The following RTN3 variants were observed in gnomAD, a reference collection of about 807,000 sequenced individuals.
RTN3 encodes the protein reticulon 3.
Under a neutral mutation model 77.8 loss-of-function variants are expected in RTN3, and 49 were observed. The ratio of observed to expected loss-of-function variants is 0.63; its 90% CI spans 0.50 to 0.80. The LOEUF (loss-of-function observed/expected upper bound fraction) is 0.80, where lower values mean the gene tolerates loss of function less well. RTN3 is among the 30% of genes least tolerant of loss of function. The pLI, the probability that RTN3 is intolerant of heterozygous loss-of-function variation, is 0.00. For synonymous variants in RTN3, 464 were observed against 446.9 expected (o/e 1.04, Z -0.48); for missense variants, 1,236 against 1,211.9 (o/e 1.02, Z -0.29).
At chr11:63,753,242 C>T in intron 6 of RTN3, 104 bp downstream of exon 6, 2 of 1,138,720 alleles carry the variant, frequency 1.8e-6, no homozygotes, top group Non-Finnish European at 2.6e-6. Context: ...ATTGCCCAGT[C>T]TTGACCCATA....
chr11:63,736,465 A>G (rs912979138), intron 3 of RTN3, among the ~76,000 whole-genome samples: 1 of 152,198 alleles, frequency 6.6e-6, no homozygotes, highest in African/African-American at 2.4e-5. Flanking sequence ...AGGCAGGTGG[A>G]TCACCTGAGG....
At chr11:63,754,392 A>G (rs1486568816) in intron 7 of RTN3, among the ~76,000 whole-genome samples, 2 of 151,982 alleles carry the variant, frequency 1.3e-5, no homozygotes, top group Non-Finnish European at 2.9e-5. Context: ...CATCTCTACT[A>G]AAAATATAAA....
chr11:63,698,980 G>C (rs1016139404), intron 1 of RTN3, among the ~76,000 whole-genome samples: 1 of 152,102 alleles, frequency 6.6e-6, no homozygotes, highest in Non-Finnish European at 1.5e-5. Context: ...TTTTTATATT[G>C]AAAGTTAATA....
intron 6 of RTN3, 86 bp downstream of exon 6, chr11:63,753,224 C>G (rs923010977): frequency 1.6e-6 from 2 of 1,283,398 alleles, no homozygotes; most frequent in East Asian, 2.3e-5. Context: ...TGGCTCTACT[C>G]ATTCTTCATT....
At chr11:63,703,972 G>T (rs1281727304) in intron 1 of RTN3, among the ~76,000 whole-genome samples, 1 of 151,978 alleles carries the variant, frequency 6.6e-6, no homozygotes, top group African/African-American at 2.4e-5. Context: ...ACATGTTGCT[G>T]AATTAGAGGA....
chr11:63,682,313 T>C (rs991635369), intron 1 of RTN3, among the ~76,000 whole-genome samples: 1 of 152,110 alleles, frequency 6.6e-6, no homozygotes, highest in African/African-American at 2.4e-5. Flanking sequence ...AATGGAAGCA[T>C]TGTAGCCTGT....
rs1411726968 is a variant in RTN3, at chr11:63,752,507, A to G, written c.2739A>G (p.Lys913=). ...TGACTGTTATTTCTTCTTCTGGAAG[A>G]GCCTACCTGGACGTAGACATTACTC... The part of the protein sequence containing the change: ...VQKSEEGHPF[K]AYLDVDITLS... The change falls in exon 5 of 9, where the codon AAA becomes AAG. Residue 913 remains lysine, a splice_region_variant and synonymous_variant. Transcript: ENST00000377819. The G allele has an allele frequency of 6.2e-7, 1 of 1,612,494 alleles. No homozygotes were observed. The highest frequency in any genetic ancestry group is 1.7e-4 in the Middle Eastern group (1 of 6,052).
chr11:63,745,222 C>G (rs2013725275), intron 3 of RTN3, among the ~76,000 whole-genome samples: 1 of 152,156 alleles, frequency 6.6e-6, no homozygotes, highest in South Asian at 2.1e-4. Flanking sequence ...TACTTGGAAT[C>G]CTTAGTCTTC....
intron 1 of RTN3, among the ~76,000 whole-genome samples, chr11:63,691,871 GGTATAAGCCT>G (rs1251675901): frequency 6.6e-6 from 1 of 152,114 alleles, no homozygotes; most frequent in Non-Finnish European, 1.5e-5. Flanking sequence ...CACAGCAGCT[GGTATAAGCCT>G]GTGAAAATGC....
intron 6 of RTN3, among the ~76,000 whole-genome samples, 180 bp downstream of exon 6, chr11:63,753,318 A>G (rs1482732315): frequency 6.6e-6 from 1 of 152,230 alleles, no homozygotes; most frequent in Non-Finnish European, 1.5e-5. Context: ...AAATGGTCTC[A>G]GTTATAAATT....
intron 2 of RTN3, among the ~76,000 whole-genome samples, chr11:63,705,232 A>G (rs1268163847): frequency 6.6e-6 from 1 of 152,208 alleles, no homozygotes; most frequent in Non-Finnish European, 1.5e-5. Flanking sequence ...TCACACCTGT[A>G]ATCTCAGCAC....
rs1438975880 is a variant in RTN3 at position 63,723,702 on chromosome 11, A to AC, written c.2530+2671dup. On this transcript the variant is annotated intron_variant, in intron 3 of 8. Coordinates refer to ENST00000377819, the MANE Select transcript of RTN3 (RefSeq NM_001265589.2). ...TTGGCCTCTCAAAGTGCTGGGATTT[A>AC]CAGGCCTGAGCCACCACACACAGCC... 3.3e-5 allele frequency among the ~76,000 whole-genome samples: 5 copies of AC among 152,286 alleles called. No homozygotes were observed. The East Asian group carries it at 9.6e-4, about 29-fold the overall frequency.
At position 63,731,797 on chromosome 11, in the gene RTN3, C is replaced by T. The variant is rs894710191; in HGVS notation, c.2530+10765C>T. Among the ~76,000 whole-genome samples, 26 of 152,242 alleles carry T rather than the reference C, an allele frequency of 1.7e-4. No homozygotes were observed. The Middle Eastern group carries it at 0.01, about 60-fold the overall frequency. On this transcript the variant is annotated intron_variant, in intron 3 of 8. Coordinates refer to ENST00000377819, the MANE Select transcript of RTN3 (RefSeq NM_001265589.2). ...CCTCCTGAGTAGCTGGGATTACAGG[C>T]GTGCGCCACTACACCCAGCTAATTT... is the stretch of plus-strand genomic sequence containing the variant.
chr11:63,748,100 G>T (rs1055876441), intron 3 of RTN3, among the ~76,000 whole-genome samples: 1 of 151,594 alleles, frequency 6.6e-6, no homozygotes, highest in Non-Finnish European at 1.5e-5. Context: ...ATCACTAGAG[G>T]TCAGGAGTTC....
At chr11:63,739,886 AACCCTATTTCTGTATTT>A (rs1474087506) in intron 3 of RTN3, among the ~76,000 whole-genome samples, 3 of 152,308 alleles carry the variant, frequency 2.0e-5, no homozygotes, top group Admixed American at 6.5e-5. Flanking sequence ...AAGAAGAGTG[AACCCTATTTCTGTATTT>A]GTCTTGGGTT....
At chr11:63,724,144 C>G (rs1206833422) in intron 3 of RTN3, among the ~76,000 whole-genome samples, 1 of 148,754 alleles carries the variant, frequency 6.7e-6, no homozygotes, top group African/African-American at 2.5e-5. Context: ...AGACCTAGAA[C>G]TGCCCTAGCA....
Position 63,758,644 on chromosome 11 carries a change from T to TA in RTN3, c.*444dup, listed in dbSNP as rs1427112583. ...AAATTATTTGGGGACAGGAGTGTGA[T>TA]ACCTTCCTTGGTTTTTTTTTGCAGC... On this transcript the variant is annotated 3_prime_UTR_variant, in exon 9 of 9. Coordinates refer to ENST00000377819, the MANE Select transcript of RTN3 (RefSeq NM_001265589.2). 5.6e-6 allele frequency: 2 copies of TA among 358,680 alleles called. No individual in the cohort carries two copies. The highest frequency in any genetic ancestry group is 4.2e-5 in the African/African-American group (2 of 47,740). 22.2% of individuals were successfully genotyped at this position (358,680 alleles called of 1,614,324 possible).
intron 3 of RTN3, among the ~76,000 whole-genome samples, chr11:63,724,130 T>TAAC (rs978574205): frequency 1.3e-5 from 2 of 151,410 alleles, no homozygotes; most frequent in Non-Finnish European, 2.9e-5. Flanking sequence ...TGGCAATATG[T>TAAC]AACAGACCTA....
intron 7 of RTN3, 131 bp from the exon 8 acceptor site, chr11:63,755,981 C>A: frequency 1.6e-6 from 1 of 615,838 alleles, no homozygotes; most frequent in Non-Finnish European, 2.9e-6. Context: ...CTTTTAAAAA[C>A]TGGGTGTTTT....
Sources: gnomAD v4.1 joint callset for allele counts (sites outside exome capture counted in the v4.1 genomes callset) on GRCh38, gnomAD v4.1.1 for gene constraint, MANE v1.5 for transcripts, NCBI Gene and HGNC (gene_info 2026-07-23, HGNC 2026-07-21) for gene names.